Variants in DNAJB5 observed in about 807,000 individuals in gnomAD.
DNAJB5 encodes the protein DnaJ heat shock protein family (Hsp40) member B5, also known as dnaJ homolog subfamily B member 5.
Under a neutral mutation model 32.6 loss-of-function variants are expected in DNAJB5, and 12 were observed. The observed-to-expected ratio is 0.37, with a 90% CI of 0.24 to 0.60. The LOEUF (loss-of-function observed/expected upper bound fraction) is 0.60, where lower values mean the gene tolerates loss of function less well. Among genes scored for constraint, DNAJB5 ranks in the 20% least tolerant of loss-of-function variants. The pLI, the probability that DNAJB5 is intolerant of heterozygous loss-of-function variation, is 0.71. For synonymous variants in DNAJB5, 188 were observed against 212.9 expected (o/e 0.88, Z 1.02); for missense variants, 358 against 554.2 (o/e 0.65, Z 3.55).
Position 34,997,017 on chromosome 9 carries a change from C to T in DNAJB5, c.1030-9C>T. On this transcript the variant is annotated splice_polypyrimidine_tract_variant and intron_variant, in intron 4 of 4. Transcript: ENST00000682809. The surrounding 1 kb of genome is among the most constrained non-coding windows in gnomAD (Gnocchi z 4.1). ...ACCTTTTCCTCACTTTCTGCTTCGT[C>T]TTTCCCAGGCGCTGTGTGGCTGCAC... is the stretch of plus-strand genomic sequence containing the variant. The T allele has an allele frequency of 6.2e-7, 1 of 1,611,588 alleles. No individual in the cohort carries two copies. Among genetic ancestry groups the T allele is most frequent in the Non-Finnish European group, 8.5e-7 (1 of 1,179,846 alleles).
intron 2 of DNAJB5, chr9:34,991,118 C>G: frequency 2.2e-6 from 1 of 454,754 alleles, no homozygotes; most frequent in South Asian, 2.0e-5. Flanking sequence ...TCACTCATCC[C>G]CCTCCATCAG....
Position 34,990,433 on chromosome 9 carries a change from C to T in DNAJB5, c.-132-66C>T. 2 of 1,533,210 alleles carry T rather than the reference C, an allele frequency of 1.3e-6. No homozygotes were observed. Among genetic ancestry groups the T allele is most frequent in the East Asian group, 2.5e-5 (1 of 40,786 alleles). 95.0% of individuals were successfully genotyped at this position (1,533,210 alleles called of 1,614,324 possible). ...ATACAGCCGCTCACAGCCAGCCAGA[C>T]ACTGCTGCACCTGAGAGCAGGTGGC... On this transcript the variant is annotated intron_variant, in intron 1 of 4. Coordinates refer to ENST00000682809, the MANE Select transcript of DNAJB5 (RefSeq NM_001349723.3). This position sits in a 1 kb window ranked among gnomAD's most constrained non-coding sequence, Gnocchi z 4.5.
At chr9:34,991,010 C>A (rs1223830430) in intron 2 of DNAJB5, 198 bp downstream of exon 2, 4 of 608,008 alleles carry the variant, frequency 6.6e-6, no homozygotes, top group Non-Finnish European at 1.2e-5. Flanking sequence ...CTTCAGGTAT[C>A]CATTTTCCAC....
chr9:34,997,586 T>TA lies in DNAJB5; in HGVS notation c.*328dup. On this transcript the variant is annotated 3_prime_UTR_variant, in exon 5 of 5. Transcript: ENST00000682809. This position sits in a 1 kb window ranked among gnomAD's most constrained non-coding sequence, Gnocchi z 4.1. ...TGTAGAGATTCCTTATCCATGCCTGTACATAGCATGTCCTCCTCCCCTCAG... is the reference window on the plus strand; with the variant it reads ...TGTAGAGATTCCTTATCCATGCCTGTAACATAGCATGTCCTCCTCCCCTCAG... The TA allele has an allele frequency of 2.3e-6, 1 of 428,820 alleles. No individual in the cohort carries two copies. The highest frequency in any genetic ancestry group is 4.4e-6 in the Non-Finnish European group (1 of 226,394). 26.6% of individuals were successfully genotyped at this position (428,820 alleles called of 1,614,324 possible).
Position 34,996,984 on chromosome 9 carries a change from C to A in DNAJB5, c.1030-42C>A. On this transcript the variant is annotated intron_variant, in intron 4 of 4. Transcript: ENST00000682809. The surrounding 1 kb of genome is among the most constrained non-coding windows in gnomAD (Gnocchi z 7.2). ...GTCTATTTCCTTCCTTCCCACTCACCTTACCCCACCTTTTCCTCACTTTCT... is the reference window on the plus strand; with the variant it reads ...GTCTATTTCCTTCCTTCCCACTCACATTACCCCACCTTTTCCTCACTTTCT... 2 of 1,605,672 alleles carry A rather than the reference C, an allele frequency of 1.2e-6. No homozygotes were observed. Among genetic ancestry groups the A allele is most frequent in the Non-Finnish European group, 1.7e-6 (2 of 1,178,442 alleles).
chr9:34,992,793 G>A (rs529117339), intron 2 of DNAJB5: 2 of 1,021,988 alleles, frequency 2.0e-6, no homozygotes, highest in Non-Finnish European at 2.3e-6. Flanking sequence ...TGGCGTAGGA[G>A]ACCACGATGC....
rs756539068 is a variant in DNAJB5, at chr9:34,996,580, G to A, written c.743G>A (p.Arg248Gln). Reference sequence around the variant, plus strand: ...GACCCCCCAGTGGTGCACGAGCTGCGGGTGTCCCTGGAGGAGATCTACCAT... The same window carrying A: ...GACCCCCCAGTGGTGCACGAGCTGCAGGTGTCCCTGGAGGAGATCTACCAT... ...VQDPPVVHEL[R>Q]VSLEEIYHGS... The change falls in exon 4 of 5, where the codon CGG becomes CAG. Residue 248 changes from arginine to glutamine, a missense_variant. Around this residue, in one of 2 missense-constraint regions of DNAJB5, gnomAD observed 248 missense variants for 442.6 expected, o/e 0.56. Coordinates refer to ENST00000682809, the MANE Select transcript of DNAJB5 (RefSeq NM_001349723.3). The surrounding 1 kb of genome is among the most constrained non-coding windows in gnomAD (Gnocchi z 7.2). 10 of 1,613,910 alleles carry A rather than the reference G, an allele frequency of 6.2e-6. No homozygotes were observed. The highest frequency in any genetic ancestry group is 4.5e-5 in the East Asian group (2 of 44,868).
chr9:34,994,105 G>C (rs892404592), intron 3 of DNAJB5, among the ~76,000 whole-genome samples: 1 of 152,144 alleles, frequency 6.6e-6, no homozygotes, highest in South Asian at 2.1e-4. Context: ...CACATCCCAC[G>C]GCCATGATGT....
At position 34,993,526 on chromosome 9, in the gene DNAJB5, A is replaced by G; in HGVS notation, c.427+82A>G. 6.5e-7 allele frequency: 1 copy of G among 1,529,478 alleles called. No individual in the cohort carries two copies. Among genetic ancestry groups the G allele is most frequent in the South Asian group, 1.3e-5 (1 of 76,656 alleles). 94.7% of individuals were successfully genotyped at this position (1,529,478 alleles called of 1,614,324 possible). On this transcript the variant is annotated intron_variant, in intron 3 of 4. Transcript: ENST00000682809. The surrounding 1 kb of genome is among the most constrained non-coding windows in gnomAD (Gnocchi z 4.7). ...GGTGCACCAGTTTGTGTAGCGGGGA[A>G]CTGGAGGCTGTGGAGGGGGTGAGGG...
Position 34,990,568 on chromosome 9 carries a change from C to G in DNAJB5, c.-63C>G. 6.4e-7 allele frequency: 1 copy of G among 1,550,744 alleles called. No individual in the cohort carries two copies. Among genetic ancestry groups the G allele is most frequent in the Non-Finnish European group, 8.7e-7 (1 of 1,146,918 alleles). ...TCTGAGAGTCCAAGGAGGTGGCTTC[C>G]AGAGCTGCAGCACTTCAGGCCGGCT... is the stretch of plus-strand genomic sequence containing the variant. On this transcript the variant is annotated 5_prime_UTR_variant, in exon 2 of 5. Transcript: ENST00000682809. The surrounding 1 kb of genome is among the most constrained non-coding windows in gnomAD (Gnocchi z 4.5).
At chr9:34,998,507 G>A (rs2132989188), downstream of DNAJB5, 2 of 152,290 alleles carry the variant, frequency 1.3e-5, no homozygotes, top group Admixed American at 1.3e-4. Context: ...CCGGGCTCTG[G>A]TCACCTTTGA....
Position 34,996,237 on chromosome 9 carries a change from A to T in DNAJB5, c.428-28A>T. ...TGGGATTGGGGCCAGAATAAGCCACACTGCCCCTAACTTCTCCTCCCCTCT... is the reference window on the plus strand; with the variant it reads ...TGGGATTGGGGCCAGAATAAGCCACTCTGCCCCTAACTTCTCCTCCCCTCT... On this transcript the variant is annotated intron_variant, in intron 3 of 4. Transcript: ENST00000682809. This position sits in a 1 kb window ranked among gnomAD's most constrained non-coding sequence, Gnocchi z 7.2. 6.3e-7 allele frequency: 1 copy of T among 1,594,968 alleles called. No homozygotes were observed. Among genetic ancestry groups the T allele is most frequent in the Non-Finnish European group, 8.6e-7 (1 of 1,169,274 alleles).
Position 34,990,427 on chromosome 9 carries a change from G to A in DNAJB5, c.-132-72G>A, listed in dbSNP as rs535173669. 1 of 1,532,466 alleles carries A rather than the reference G, an allele frequency of 6.5e-7. No individual in the cohort carries two copies. Among genetic ancestry groups the A allele is most frequent in the South Asian group, 1.2e-5 (1 of 83,172 alleles). The allele number at this position is 1,532,466 out of a possible 1,614,324, so 94.9% of individuals were successfully genotyped here. A position where few individuals can be genotyped will look rare whatever the true frequency, so the allele number is the denominator to read the frequency against. On this transcript the variant is annotated intron_variant, in intron 1 of 4. Coordinates refer to ENST00000682809, the MANE Select transcript of DNAJB5 (RefSeq NM_001349723.3). The surrounding 1 kb of genome is among the most constrained non-coding windows in gnomAD (Gnocchi z 4.5). ...GCTGCCATACAGCCGCTCACAGCCA[G>A]CCAGACACTGCTGCACCTGAGAGCA... is the stretch of plus-strand genomic sequence containing the variant.
Position 34,997,634 on chromosome 9 carries a change from C to T in DNAJB5, c.*375C>T, listed in dbSNP as rs760703973. The stretch of plus-strand genomic sequence containing the variant: ...CAGCTTTGCTAATACCAGTCCCCTC[C>T]CTTCCCTTTGGCTTCCTGCTGTTGG... On this transcript the variant is annotated 3_prime_UTR_variant, in exon 5 of 5. Coordinates refer to ENST00000682809, the MANE Select transcript of DNAJB5 (RefSeq NM_001349723.3). The surrounding 1 kb of genome is among the most constrained non-coding windows in gnomAD (Gnocchi z 4.1). 1 of 368,924 alleles carries T rather than the reference C, an allele frequency of 2.7e-6. No homozygotes were observed. Among genetic ancestry groups the T allele is most frequent in the Non-Finnish European group, 5.3e-6 (1 of 190,356 alleles). 22.9% of individuals were successfully genotyped at this position (368,924 alleles called of 1,614,324 possible). A position where few individuals can be genotyped will look rare whatever the true frequency, so the allele number is the denominator to read the frequency against.
chr9:34,991,204 C>A (rs1587495049), intron 2 of DNAJB5: 1 of 412,592 alleles, frequency 2.4e-6, no homozygotes, highest in East Asian at 6.9e-5. Flanking sequence ...CCCCATTTTT[C>A]CTTCCTGCCT....
rs1045354322 is a variant in DNAJB5 at position 34,998,320 on chromosome 9, G to C, written c.*1061G>C. The C allele has an allele frequency of 2.0e-5, 3 of 152,564 alleles. No homozygotes were observed. 9.5% of individuals were successfully genotyped at this position (152,564 alleles called of 1,614,324 possible). A position where few individuals can be genotyped will look rare whatever the true frequency, so the allele number is the denominator to read the frequency against. ...ACTGCTTCAGCCAGATCCTGGGGTGGGGTCTTTAGGTTTTCTCACTTTGAC... is the reference window on the plus strand; with the variant it reads ...ACTGCTTCAGCCAGATCCTGGGGTGCGGTCTTTAGGTTTTCTCACTTTGAC... On this transcript the variant is annotated 3_prime_UTR_variant, in exon 5 of 5. Coordinates refer to ENST00000682809, the MANE Select transcript of DNAJB5 (RefSeq NM_001349723.3).
At position 34,993,449 on chromosome 9, in the gene DNAJB5, G is replaced by A. The variant is rs772415113; in HGVS notation, c.427+5G>A. The stretch of plus-strand genomic sequence containing the variant: ...ATGACCAGTATGGGGAGGAAGGTAA[G>A]AGGGCAGCACTCCAGCCCAATCCCG... On this transcript the variant is annotated splice_donor_5th_base_variant and intron_variant, in intron 3 of 4. Coordinates refer to ENST00000682809, the MANE Select transcript of DNAJB5 (RefSeq NM_001349723.3). The surrounding 1 kb of genome is among the most constrained non-coding windows in gnomAD (Gnocchi z 4.7). 1 of 1,609,866 alleles carries A rather than the reference G, an allele frequency of 6.2e-7. No homozygotes were observed.
In DNAJB5 at chr9:34,997,563, TAG is replaced by T. The variant is rs771553658; in HGVS notation, c.*308_*309del. ...GACCTGAGTGCTACTTGAAGATATG[TAG>T]AGATTCCTTATCCATGCCTGTACAT... On this transcript the variant is annotated 3_prime_UTR_variant, in exon 5 of 5. Coordinates refer to ENST00000682809, the MANE Select transcript of DNAJB5 (RefSeq NM_001349723.3). The surrounding 1 kb of genome is among the most constrained non-coding windows in gnomAD (Gnocchi z 4.1). The T allele has an allele frequency of 8.0e-4, 403 of 504,512 alleles. 3 individuals carry two copies. The highest frequency in any genetic ancestry group is 3.9e-3 in the Middle Eastern group (7 of 1,780). The allele number at this position is 504,512 out of a possible 1,614,324, so 31.3% of individuals were successfully genotyped here. A position where few individuals can be genotyped will look rare whatever the true frequency, so the allele number is the denominator to read the frequency against.
rs1827629598 is a variant in DNAJB5 at position 34,991,560 on chromosome 9, T to G, written c.182+748T>G. 4 of 389,236 alleles carry G rather than the reference T, an allele frequency of 1.0e-5. 1 individual carries two copies. Among genetic ancestry groups the G allele is most frequent in the South Asian group, 7.3e-5 (4 of 55,004 alleles). 24.1% of individuals were successfully genotyped at this position (389,236 alleles called of 1,614,324 possible). ...GGGGCACCCTCTTGGTGTGCTAGGG[T>G]TCTTTCCCAGTCCCAGGGGAAAGAA... On this transcript the variant is annotated intron_variant, in intron 2 of 4. Coordinates refer to ENST00000682809, the MANE Select transcript of DNAJB5 (RefSeq NM_001349723.3).
Sources: allele counts gnomAD v4.1 joint callset (sites outside exome capture counted in the v4.1 genomes callset), GRCh38; gene constraint gnomAD v4.1.1; regional missense constraint gnomAD v4.1.1; non-coding constraint Gnocchi (gnomAD v3.1); transcripts MANE v1.5; gene names NCBI Gene and HGNC (gene_info 2026-07-23, HGNC 2026-07-21).